KIF5C: variants seen among roughly 807,000 people sequenced by gnomAD.
KIF5C encodes kinesin family member 5C, also known as kinesin heavy chain isoform 5C.
A neutral mutation model predicts 125.2 loss-of-function variants in KIF5C; 18 were observed. The ratio of observed to expected loss-of-function variants is 0.14; its 90% CI spans 0.10 to 0.21. KIF5C has a LOEUF of 0.21. KIF5C is among the 10% of genes least tolerant of loss of function. The probability of loss-of-function intolerance (pLI) is 1.00; values close to 1 mark genes in which losing one functional copy is unlikely to be tolerated. For synonymous variants in KIF5C, 405 were observed against 434.0 expected (o/e 0.93, Z 0.83); for missense variants, 780 against 1,183.8 (o/e 0.66, Z 5.01).
intron 3 of KIF5C, among the ~76,000 whole-genome samples, chr2:148,930,024 G>A (rs577289457): frequency 1.3e-5 from 2 of 152,306 alleles, no homozygotes; most frequent in African/African-American, 4.8e-5. Flanking sequence ...TCACCTAGGA[G>A]AAGTTTGGTA....
At chr2:148,934,663 CA>C (rs1186693535) in intron 3 of KIF5C, among the ~76,000 whole-genome samples, 4 of 151,796 alleles carry the variant, frequency 2.6e-5, no homozygotes, top group Non-Finnish European at 5.9e-5. Flanking sequence ...ACACACATCA[CA>C]AGCACCCCCA....
chr2:148,964,703 G>A (rs1448109473), intron 11 of KIF5C, among the ~76,000 whole-genome samples: 1 of 152,154 alleles, frequency 6.6e-6, no homozygotes, highest in African/African-American at 2.4e-5. Context: ...AGGCAAAATA[G>A]GGGGCATGAG....
At chr2:148,922,273 G>A (rs1431025917) in intron 2 of KIF5C, 46 bp downstream of exon 2, 1 of 1,308,558 alleles carries the variant, frequency 7.6e-7, no homozygotes, top group Non-Finnish European at 1.1e-6. Context: ...CAGAGTAATT[G>A]AAAGCATTAA....
chr2:149,001,272 C>T (rs771322381), intron 21 of KIF5C, among the ~76,000 whole-genome samples: 1 of 152,154 alleles, frequency 6.6e-6, no homozygotes, highest in Non-Finnish European at 1.5e-5. Flanking sequence ...CTGGGGGAGG[C>T]TCCATGAGGA....
intron 12 of KIF5C, among the ~76,000 whole-genome samples, chr2:148,976,584 T>G (rs538908707): frequency 4.9e-4 from 74 of 151,448 alleles, no homozygotes; most frequent in African/African-American, 1.7e-3. Flanking sequence ...TATTTTTTTT[T>G]TAATTTTTGA....
At chr2:149,007,088 C>A (rs1381907005) in intron 22 of KIF5C, among the ~76,000 whole-genome samples, 1 of 152,164 alleles carries the variant, frequency 6.6e-6, no homozygotes, top group South Asian at 2.1e-4. Context: ...CATACCCCAC[C>A]CCAGGTCCAC....
chr2:148,886,871 T>A (rs1283817439), intron 1 of KIF5C, among the ~76,000 whole-genome samples: 1 of 152,232 alleles, frequency 6.6e-6, no homozygotes, highest in Non-Finnish European at 1.5e-5. Flanking sequence ...ATGTGTTTTT[T>A]AAAATTTTCT....
chr2:148,972,145 A>G (rs1680933691), intron 11 of KIF5C, among the ~76,000 whole-genome samples: 1 of 152,058 alleles, frequency 6.6e-6, no homozygotes, highest in South Asian at 2.1e-4. Flanking sequence ...TAGAGATGGT[A>G]TTTCACCATG....
chr2:148,908,686 A>G (rs1234130874), intron 1 of KIF5C, among the ~76,000 whole-genome samples: 1 of 152,222 alleles, frequency 6.6e-6, no homozygotes, highest in Non-Finnish European at 1.5e-5. Flanking sequence ...TGCTTTTAGC[A>G]GCCAGTAAAT....
intron 11 of KIF5C, 77 bp downstream of exon 11, chr2:148,962,196 C>A: frequency 6.8e-7 from 1 of 1,475,628 alleles, no homozygotes; most frequent in Non-Finnish European, 9.0e-7. Flanking sequence ...GACAGAGTCT[C>A]TCTCTGTCAC....
Position 148,937,392 on chromosome 2 carries a change from C to A in KIF5C, c.396+4C>A, listed in dbSNP as rs550581047. 1.5e-5 allele frequency: 24 copies of A among 1,578,666 alleles called. No individual in the cohort carries two copies. The highest frequency in any genetic ancestry group is 2.0e-5 in the Non-Finnish European group (23 of 1,160,912). ...GAACCTGGAGTTTCACATAAAGGTA[C>A]GTATTACTGATTGGTCCCCAGAGAA... On this transcript the variant is annotated splice_donor_region_variant and intron_variant, in intron 4 of 25. Transcript: ENST00000435030.
chr2:148,917,215 C>T (rs1681591632), intron 1 of KIF5C, among the ~76,000 whole-genome samples: 1 of 152,176 alleles, frequency 6.6e-6, no homozygotes, highest in South Asian at 2.1e-4. Context: ...CATGTCAGCA[C>T]TACCTTCATG....
At chr2:148,997,692 T>C (rs981991533) in intron 18 of KIF5C, 4 of 249,616 alleles carry the variant, frequency 1.6e-5, no homozygotes, top group Admixed American at 5.1e-5. Context: ...ACACACCAAA[T>C]TTGAGTTTCT....
At chr2:148,979,415 T>A (rs545588380) in intron 13 of KIF5C, among the ~76,000 whole-genome samples, 14 of 152,320 alleles carry the variant, frequency 9.2e-5, no homozygotes, top group Admixed American at 2.6e-4. Flanking sequence ...TAGCTAAGAC[T>A]ACAAGAATGT....
At chr2:148,943,989 T>C (rs962034875) in intron 7 of KIF5C, among the ~76,000 whole-genome samples, 8 of 152,236 alleles carry the variant, frequency 5.3e-5, no homozygotes, top group African/African-American at 7.2e-5. Flanking sequence ...GATATTCTTA[T>C]AGTAGTAGCA....
Position 148,941,624 on chromosome 2 carries a change from G to C in KIF5C, c.411G>C (p.Glu137Asp). ...TTTTTAACTAGGTTTCCTATTTTGA[G>C]ATCTACTTGGACAAAATAAGGGACT... Reference protein sequence around the residue: ...LEFHIKVSYFEIYLDKIRDLL... With the variant: ...LEFHIKVSYFDIYLDKIRDLL... Residue 137 changes from glutamate (E) to aspartate (D), a missense_variant, in exon 5 of 26, where the codon GAG (glutamate) becomes GAC (aspartate). By Grantham distance (45) the Glu-to-Asp change is conservative. Coordinates refer to ENST00000435030, the MANE Select transcript of KIF5C (RefSeq NM_004522.3). The C allele has an allele frequency of 6.4e-7, 1 of 1,559,776 alleles. No homozygotes were observed. Among genetic ancestry groups the C allele is most frequent in the Non-Finnish European group, 8.7e-7 (1 of 1,150,104 alleles).
intron 3 of KIF5C, among the ~76,000 whole-genome samples, chr2:148,935,905 A>C (rs1682280311): frequency 6.6e-6 from 1 of 152,230 alleles, no homozygotes; most frequent in Non-Finnish European, 1.5e-5. Context: ...CAAACTAAAA[A>C]ACAAGAGCAA....
chr2:148,896,436 G>A (rs1174560248), intron 1 of KIF5C, among the ~76,000 whole-genome samples: 1 of 152,156 alleles, frequency 6.6e-6, no homozygotes, highest in Non-Finnish European at 1.5e-5. Context: ...TTCACAATGG[G>A]GTGGATGGCT....
At chr2:148,933,354 C>T (rs1682218015) in intron 3 of KIF5C, among the ~76,000 whole-genome samples, 1 of 152,010 alleles carries the variant, frequency 6.6e-6, no homozygotes, top group Non-Finnish European at 1.5e-5. Flanking sequence ...CTGGGCTGCG[C>T]ATCTCATCTG....
Sources: allele counts gnomAD v4.1 joint callset (sites outside exome capture counted in the v4.1 genomes callset), GRCh38; gene constraint gnomAD v4.1.1; transcripts MANE v1.5; gene names NCBI Gene and HGNC (gene_info 2026-07-23, HGNC 2026-07-21).